Variants in AGT observed in about 807,000 individuals in gnomAD.
AGT encodes the protein alpha-1 antiproteinase, antitrypsin.
In AGT, 26 loss-of-function variants were observed where a neutral mutation model predicts 28.1. The observed-to-expected ratio is 0.92, with a 90% CI of 0.68 to 1.28. The LOEUF (loss-of-function observed/expected upper bound fraction) is 1.28. Among genes scored for constraint, AGT ranks in the 50% most tolerant of loss-of-function variants. The pLI is 0.00. For missense variants in AGT, 596 were observed against 592.3 expected (o/e 1.01, Z -0.06); for synonymous variants, 259 against 259.6 (o/e 1.00, Z 0.02).
chr1:230,709,944 A>G, intron 2 of AGT, 51 bp downstream of exon 2: 1 of 1,612,524 alleles, frequency 6.2e-7, no homozygotes, highest in Non-Finnish European at 8.5e-7. Context: ...TCTCAGCTAC[A>G]CATTGGATAC....
Position 230,704,279 on chromosome 1 carries a change from G to C in AGT, c.1156C>G (p.Leu386Val), listed in dbSNP as rs748005380. The C allele has an allele frequency of 6.2e-7, 1 of 1,614,224 alleles. No individual in the cohort carries two copies. The highest frequency in any genetic ancestry group is 8.5e-7 in the Non-Finnish European group (1 of 1,180,054). The change falls in exon 4 of 5, where the codon CTG becomes GTG. Residue 386 changes from leucine (L) to valine (V), a missense_variant. Physicochemically the swap from Leu to Val is conservative, Grantham distance 32. Transcript: ENST00000366667. ...VLQGSYDLQD[L>V]LAQAELPAIL... ...GCGGGCAGCTCAGCCTGGGCGAGCA[G>C]GTCCTGCAGGTCATAAGATCCTTGC...
Position 230,738,507 on chromosome 1 carries a change from TAATA to T in AGT, c.-31+7004_-31+7007del, listed in dbSNP as rs573364051. On this transcript the variant is annotated intron_variant, in intron 1 of 4. Coordinates refer to the AGT transcript ENST00000681269. Reference sequence around the variant, plus strand: ...ATTATTTTTTCCTAGAGACCCAAGCTAATAAATCTCTTTTGAAAGTTGAGTCATA... The same window carrying T: ...ATTATTTTTTCCTAGAGACCCAAGCTAATCTCTTTTGAAAGTTGAGTCATA... Among the ~76,000 whole-genome samples the T allele has an allele frequency of 4.6e-5, 7 of 152,354 alleles. No individual in the cohort carries two copies. The South Asian group carries it at 1.2e-3, about 27-fold the overall frequency.
At position 230,706,136 on chromosome 1, in the gene AGT, T is replaced by C; in HGVS notation, c.894A>G (p.Ser298=). The C allele has an allele frequency of 6.2e-7, 1 of 1,613,632 alleles. No homozygotes were observed. The highest frequency in any genetic ancestry group is 8.5e-7 in the Non-Finnish European group (1 of 1,179,928). Residue 298 remains serine (S), a synonymous_variant, in exon 3 of 5, where the codon TCA becomes TCG. Coordinates refer to ENST00000366667, the MANE Select transcript of AGT (RefSeq NM_001384479.1). ...PQEFWVDNST[S]VSVPMLSGMG... is the part of the protein sequence containing the mutation. ...TGCCAGAGAGCATGGGAACAGACAC[T>C]GAGGTGCTGTTGTCCACCCAGAACT...
At chr1:230,722,724 C>T (rs1218353927) in intron 1 of AGT, among the ~76,000 whole-genome samples, 1 of 152,176 alleles carries the variant, frequency 6.6e-6, no homozygotes, top group Non-Finnish European at 1.5e-5. Context: ...CTGTTTTGGC[C>T]AATTTATCCA....
intron 1 of AGT, among the ~76,000 whole-genome samples, chr1:230,727,413 C>T (rs990207708): frequency 6.6e-6 from 1 of 152,118 alleles, no homozygotes; most frequent in Non-Finnish European, 1.5e-5. Flanking sequence ...AGTCCATGAT[C>T]ATAACCAAAA....
chr1:230,710,076 T>C lies in AGT; in HGVS notation c.748A>G (p.Thr250Ala). Reference sequence around the variant, plus strand: ...AGGGAGCAGCCAGTCTTCCATCCTGTCACAGCCTGCATGAACCTGTCAATC... The same window carrying C: ...AGGGAGCAGCCAGTCTTCCATCCTGCCACAGCCTGCATGAACCTGTCAATC... ...EKIDRFMQAV[T>A]GWKTGCSLMG... The change falls in exon 2 of 5, where the codon ACA becomes GCA. Residue 250 changes from threonine (T) to alanine (A), a missense_variant. Coordinates refer to ENST00000366667, the MANE Select transcript of AGT (RefSeq NM_001384479.1). 3 of 1,614,182 alleles carry C rather than the reference T, an allele frequency of 1.9e-6. No individual in the cohort carries two copies. The highest frequency in any genetic ancestry group is 2.5e-6 in the Non-Finnish European group (3 of 1,180,034).
chr1:230,730,429 G>A (rs1431971843), intron 1 of AGT, among the ~76,000 whole-genome samples: 2 of 152,010 alleles, frequency 1.3e-5, no homozygotes, highest in Non-Finnish European at 2.9e-5. Flanking sequence ...GTTGACTTGC[G>A]GCCATGCTCC....
upstream of AGT, among the ~76,000 whole-genome samples, chr1:230,715,109 A>G (rs2102794895): frequency 6.6e-6 from 1 of 152,312 alleles, no homozygotes; most frequent in East Asian, 1.9e-4. Flanking sequence ...GAAATTACCC[A>G]GGAATGGAAC....
At chr1:230,723,299 T>C (rs1663881449) in intron 1 of AGT, among the ~76,000 whole-genome samples, 1 of 152,208 alleles carries the variant, frequency 6.6e-6, no homozygotes, top group Non-Finnish European at 1.5e-5. Flanking sequence ...AAGTCTCAGG[T>C]ATTTATTTAG....
At chr1:230,741,394 G>T (rs757058523) in intron 1 of AGT, among the ~76,000 whole-genome samples, 1 of 152,206 alleles carries the variant, frequency 6.6e-6, no homozygotes, top group Non-Finnish European at 1.5e-5. Flanking sequence ...GAGCCTATGC[G>T]CCTACAAGCT....
chr1:230,721,479 G>C (rs1663842309), intron 1 of AGT, among the ~76,000 whole-genome samples: 1 of 152,210 alleles, frequency 6.6e-6, no homozygotes, highest in African/African-American at 2.4e-5. Context: ...CAGAGAGTGG[G>C]ACACTGCTGT....
At chr1:230,723,585 G>A (rs557472302) in intron 1 of AGT, among the ~76,000 whole-genome samples, 2 of 152,246 alleles carry the variant, frequency 1.3e-5, no homozygotes, top group South Asian at 4.2e-4. Context: ...CCCAGATGAG[G>A]CTAGTAACTC....
At position 230,705,919 on chromosome 1, in the gene AGT, C is replaced by G. The variant is rs200520566; in HGVS notation, c.1097+14G>C. The G allele has an allele frequency of 9.9e-6, 16 of 1,613,700 alleles. No individual in the cohort carries two copies. In the Admixed American group the frequency reaches 1.7e-4, roughly 17 times the overall value. On this transcript the variant is annotated intron_variant, in intron 3 of 4. Coordinates refer to ENST00000366667, the MANE Select transcript of AGT (RefSeq NM_001384479.1). Reference sequence around the variant, plus strand: ...GTGGCTCCCACATTCCAGGGGAGACCGGGAGGCTCCTACCGGGGAGATAGT... The same window carrying G: ...GTGGCTCCCACATTCCAGGGGAGACGGGGAGGCTCCTACCGGGGAGATAGT...
intron 1 of AGT, among the ~76,000 whole-genome samples, chr1:230,742,852 C>G (rs1664272065): frequency 6.6e-6 from 1 of 152,160 alleles, no homozygotes; most frequent in Middle Eastern, 3.2e-3. Flanking sequence ...GGGTGCGGCT[C>G]TATCATCAGG....
chr1:230,714,867 C>T (rs1362887632), upstream of AGT, among the ~76,000 whole-genome samples: 1 of 152,126 alleles, frequency 6.6e-6, no homozygotes, highest in African/African-American at 2.4e-5. Context: ...TTCTTATTTT[C>T]CTATAGGTAA....
At chr1:230,733,232 G>A (rs552793095) in intron 1 of AGT, among the ~76,000 whole-genome samples, 10 of 152,074 alleles carry the variant, frequency 6.6e-5, no homozygotes, top group Non-Finnish European at 1.2e-4. Context: ...GCAGTGAGCC[G>A]AGATTGCGCC....
chr1:230,720,974 A>G (rs1400982310), intron 1 of AGT, among the ~76,000 whole-genome samples: 4 of 152,232 alleles, frequency 2.6e-5, no homozygotes, highest in Non-Finnish European at 5.9e-5. Flanking sequence ...CTGGTATACA[A>G]GCCAGACCTG....
chr1:230,716,411 T>C (rs192171682), upstream of AGT, among the ~76,000 whole-genome samples: 2 of 152,318 alleles, frequency 1.3e-5, no homozygotes, highest in East Asian at 3.9e-4. Flanking sequence ...AAATGAAGAC[T>C]GTTGAATGAA....
intron 3 of AGT, 119 bp downstream of exon 3, chr1:230,705,814 C>A: frequency 7.3e-7 from 1 of 1,363,632 alleles, no homozygotes; most frequent in East Asian, 2.3e-5. Flanking sequence ...CGTGCCACCG[C>A]GGCCCTGCCC....
Sources: allele counts gnomAD v4.1 joint callset (sites outside exome capture counted in the v4.1 genomes callset), GRCh38; gene constraint gnomAD v4.1.1; transcripts MANE v1.5; gene names NCBI Gene and HGNC (gene_info 2026-07-23, HGNC 2026-07-21).